The following KIAA1549L variants were observed in gnomAD, a reference collection of about 807,000 sequenced individuals.
The protein encoded by KIAA1549L is KIAA1549 like.
KIAA1549L carries 88 observed loss-of-function variants against 160.7 expected under a neutral mutation model. The ratio of observed to expected loss-of-function variants is 0.55; its 90% CI spans 0.46 to 0.65. The LOEUF is 0.65. Ranked by LOEUF, KIAA1549L falls within the 30% of genes least tolerant of loss-of-function variation. KIAA1549L has a pLI of 0.00. For missense variants in KIAA1549L, 2,258 were observed against 2,437.5 expected, an observed-to-expected ratio of 0.93 and a Z score of 1.55; for synonymous variants, 950 against 976.7, an observed-to-expected ratio of 0.97 and a Z score of 0.51.
At chr11:33,420,597 A>G (rs1429673203) in intron 1 of KIAA1549L, among the ~76,000 whole-genome samples, 1 of 152,180 alleles carries the variant, frequency 6.6e-6, no homozygotes, top group South Asian at 2.1e-4. Flanking sequence ...ACAGCCTTAT[A>G]TAAGAACTAC....
Position 33,616,075 on chromosome 11 carries a change from G to A in KIAA1549L, c.5280-2458G>A, listed in dbSNP as rs116821401. Among the ~76,000 whole-genome samples the A allele has an allele frequency of 1.9e-3, 283 of 152,258 alleles. 1 individual carries two copies. The highest frequency in any genetic ancestry group is 6.6e-3 in the African/African-American group (274 of 41,554). Reference sequence around the variant, plus strand: ...ATTAGAGTTAGTCAGACTTCTTTGGGCTGCAAATGATGGAAATCCAGCACA... The same window carrying A: ...ATTAGAGTTAGTCAGACTTCTTTGGACTGCAAATGATGGAAATCCAGCACA... On this transcript the variant is annotated intron_variant, in intron 15 of 20. Coordinates refer to ENST00000658780, the MANE Select transcript of KIAA1549L (RefSeq NM_012194.3).
In KIAA1549L at chr11:33,516,905, T is replaced by C. The variant is rs1014444083; in HGVS notation, c.239-24897T>C. 7.2e-5 allele frequency among the ~76,000 whole-genome samples: 11 copies of C among 152,402 alleles called. No homozygotes were observed. The East Asian group carries it at 2.1e-3, about 29-fold the overall frequency. ...TTTGAAAATATGTTTTCTGTAGTTA[T>C]ATTTAGACTGAAGAAAGATCCTTGC... is the stretch of plus-strand genomic sequence containing the variant. On this transcript the variant is annotated intron_variant, in intron 1 of 20. Transcript: ENST00000658780.
chr11:33,497,263 C>G (rs1185868581), intron 1 of KIAA1549L, among the ~76,000 whole-genome samples: 22 of 152,172 alleles, frequency 1.4e-4, no homozygotes, highest in Non-Finnish European at 1.5e-5. Context: ...AAGATACTTT[C>G]CAGCACAAAG....
Position 33,595,132 on chromosome 11 carries a change from T to A in KIAA1549L, c.4752-3688T>A, listed in dbSNP as rs202088102. 9.9e-5 allele frequency among the ~76,000 whole-genome samples: 15 copies of A among 152,244 alleles called. No individual in the cohort carries two copies. The East Asian group carries it at 2.5e-3, about 25-fold the overall frequency. The stretch of plus-strand genomic sequence containing the variant: ...AAGGAATCTACTCTTGCTAATCAAT[T>A]ACCCCCAAATTTTTAATAAGAAATA... On this transcript the variant is annotated intron_variant, in intron 12 of 20. Coordinates refer to ENST00000658780, the MANE Select transcript of KIAA1549L (RefSeq NM_012194.3).
intron 1 of KIAA1549L, among the ~76,000 whole-genome samples, chr11:33,487,053 C>T (rs1852543211): frequency 6.6e-6 from 1 of 152,046 alleles, no homozygotes; most frequent in African/African-American, 2.4e-5. Flanking sequence ...TTATTATTCA[C>T]TCAATCATAA....
At chr11:33,521,824 A>G (rs1464962694) in intron 1 of KIAA1549L, among the ~76,000 whole-genome samples, 1 of 152,172 alleles carries the variant, frequency 6.6e-6, no homozygotes, top group Non-Finnish European at 1.5e-5. Context: ...GTTGCTAATC[A>G]CAGATTGGTC....
chr11:33,464,754 C>G (rs1283704919), intron 1 of KIAA1549L, among the ~76,000 whole-genome samples: 1 of 152,058 alleles, frequency 6.6e-6, no homozygotes, highest in Non-Finnish European at 1.5e-5. Flanking sequence ...CTCCATGGTT[C>G]CAGGATCAAG....
At chr11:33,592,370 A>G (rs923586836) in intron 12 of KIAA1549L, among the ~76,000 whole-genome samples, 2 of 152,204 alleles carry the variant, frequency 1.3e-5, no homozygotes, top group South Asian at 2.1e-4. Flanking sequence ...AGGTTAGTTT[A>G]GAGGCCAAGA....
At chr11:33,446,516 G>A (rs1038581900) in intron 1 of KIAA1549L, among the ~76,000 whole-genome samples, 28 of 152,014 alleles carry the variant, frequency 1.8e-4, no homozygotes, top group Middle Eastern at 3.2e-3. Context: ...TTGAAATTAC[G>A]AGGGACATTT....
intron 6 of KIAA1549L, among the ~76,000 whole-genome samples, chr11:33,554,892 A>T (rs979992149): frequency 6.6e-6 from 1 of 152,194 alleles, no homozygotes; most frequent in African/African-American, 2.4e-5. Context: ...TAGCTAAATG[A>T]ATCATGGCAT....
chr11:33,531,693 G>A (rs952458516), intron 1 of KIAA1549L, among the ~76,000 whole-genome samples: 2 of 152,154 alleles, frequency 1.3e-5, no homozygotes, highest in Non-Finnish European at 2.9e-5. Flanking sequence ...GGTGCATTTC[G>A]TTTTAAAAAG....
chr11:33,656,177 T>C, intron 18 of KIAA1549L, 68 bp downstream of exon 18: 1 of 1,201,906 alleles, frequency 8.3e-7, no homozygotes, highest in East Asian at 2.5e-5. Context: ...TACCCTGACC[T>C]GACAACAGCA....
At chr11:33,436,083 A>G (rs916656264) in intron 1 of KIAA1549L, among the ~76,000 whole-genome samples, 5 of 151,978 alleles carry the variant, frequency 3.3e-5, no homozygotes, top group Middle Eastern at 3.4e-3. Context: ...GATTTAAAGT[A>G]TACGGGAAGA....
intron 1 of KIAA1549L, among the ~76,000 whole-genome samples, chr11:33,515,139 T>G (rs1016096115): frequency 2.0e-5 from 3 of 152,200 alleles, no homozygotes; most frequent in African/African-American, 7.2e-5. Context: ...AAAAGCCACC[T>G]GAGCTGTGGA....
rs11826190 is a variant in KIAA1549L at position 33,663,253 on chromosome 11, G to A, written c.6159+2239G>A. 5.5e-4 allele frequency among the ~76,000 whole-genome samples: 84 copies of A among 152,286 alleles called. 1 individual carries two copies. Among genetic ancestry groups the A allele is most frequent in the African/African-American group, 1.8e-3 (75 of 41,564 alleles). ...CACCTGGACCTGGGATAACAAATAG[G>A]TTTCATCCTTGGTGCCAGATGGAGA... On this transcript the variant is annotated intron_variant, in intron 20 of 20. Transcript: ENST00000658780.
chr11:33,621,248 T>A (rs1236236346), intron 16 of KIAA1549L, among the ~76,000 whole-genome samples: 1 of 152,218 alleles, frequency 6.6e-6, no homozygotes, highest in Non-Finnish European at 1.5e-5. Flanking sequence ...TGCACAATTT[T>A]CCCATAGAAC....
At chr11:33,598,976 C>T in intron 13 of KIAA1549L, 29 bp downstream of exon 13, 10 of 1,610,508 alleles carry the variant, frequency 6.2e-6, no homozygotes, top group Middle Eastern at 2.0e-4. Flanking sequence ...AAGAACCACC[C>T]CCAGCTGCTC....
At chr11:33,465,690 CAT>C (rs918834327) in intron 1 of KIAA1549L, among the ~76,000 whole-genome samples, 75 of 152,298 alleles carry the variant, frequency 4.9e-4, no homozygotes, top group African/African-American at 1.8e-3. Flanking sequence ...AATAACACCA[CAT>C]ATCTACAACC....
At chr11:33,538,414 G>A (rs946535422) in intron 1 of KIAA1549L, among the ~76,000 whole-genome samples, 1 of 152,018 alleles carries the variant, frequency 6.6e-6, no homozygotes, top group East Asian at 1.9e-4. Flanking sequence ...TTTATTAACC[G>A]TTTTCCTTTT....
Sources: allele counts gnomAD v4.1 joint callset (sites outside exome capture counted in the v4.1 genomes callset), GRCh38; gene constraint gnomAD v4.1.1; transcripts MANE v1.5; gene names NCBI Gene and HGNC (gene_info 2026-07-23, HGNC 2026-07-21).